The following FAM13B variants were observed in gnomAD, a reference collection of about 807,000 sequenced individuals.
FAM13B encodes the protein family with sequence similarity 13 member B, also known as protein FAM13B.
Under a neutral mutation model 117.3 loss-of-function variants are expected in FAM13B, and 60 were observed. The ratio of observed to expected loss-of-function variants is 0.51; its 90% confidence interval spans 0.42 to 0.63. The LOEUF (loss-of-function observed/expected upper bound fraction) is 0.63, where lower values mean the gene tolerates loss of function less well. FAM13B is among the 30% of genes least tolerant of loss of function. FAM13B has a pLI of 0.00. For missense variants in FAM13B, 972 were observed against 1,091.9 expected, an observed-to-expected ratio of 0.89 and a Z score of 1.55; for synonymous variants, 332 against 356.1, an observed-to-expected ratio of 0.93 and a Z score of 0.76.
intron 1 of FAM13B, among the ~76,000 whole-genome samples, chr5:138,031,691 A>G (rs1790074776): frequency 1.3e-5 from 2 of 152,128 alleles, no homozygotes; most frequent in African/African-American, 2.4e-5. Context: ...TCAAGGAAAA[A>G]AAAAAAAAAG....
intron 12 of FAM13B, 43 bp downstream of exon 12, chr5:137,960,123 C>A (rs1767743506): frequency 1.7e-6 from 2 of 1,211,664 alleles, no homozygotes; most frequent in Non-Finnish European, 2.4e-6. Flanking sequence ...CAGTTTAAAC[C>A]TAGGCAAGTT....
Position 137,942,896 on chromosome 5 carries a change from G to A in FAM13B, c.2567C>T (p.Ser856Leu). Residue 856 changes from serine (S) to leucine (L), a missense_variant, in exon 22 of 24, where the codon TCA becomes TTA. By Grantham distance (145) the Ser-to-Leu change is moderately radical. Transcript: ENST00000689681. ...ATACATAGAAGCTGCTCGAGAACTTGACAATCGGAGATCCAGAGCCAGTTT... is the reference window on the plus strand; with the variant it reads ...ATACATAGAAGCTGCTCGAGAACTTAACAATCGGAGATCCAGAGCCAGTTT... ...QEKLALDLRL[S>L]SSRAASMPEL... The A allele has an allele frequency of 6.2e-7, 1 of 1,610,050 alleles. No homozygotes were observed. Among genetic ancestry groups the A allele is most frequent in the South Asian group, 1.1e-5 (1 of 89,848 alleles).
chr5:138,037,954 C>G (rs1791312957), upstream of FAM13B, among the ~76,000 whole-genome samples: 1 of 152,172 alleles, frequency 6.6e-6, no homozygotes, highest in African/African-American at 2.4e-5. Context: ...ACCTTAGATT[C>G]CCCATTAGTC....
intron 1 of FAM13B, among the ~76,000 whole-genome samples, chr5:138,026,405 C>T (rs958233853): frequency 8.5e-5 from 13 of 152,134 alleles, no homozygotes; most frequent in Middle Eastern, 3.4e-3. Context: ...GTGGGCAGAT[C>T]ACTCGAGCTC....
intron 1 of FAM13B, among the ~76,000 whole-genome samples, chr5:138,023,714 G>T (rs371096659): frequency 3.3e-5 from 5 of 152,014 alleles, no homozygotes. Context: ...GACTACAGGC[G>T]TGGGCCACCA....
chr5:138,008,977 T>C (rs902576315), intron 6 of FAM13B, among the ~76,000 whole-genome samples: 4 of 152,056 alleles, frequency 2.6e-5, no homozygotes, highest in Admixed American at 6.5e-5. Flanking sequence ...ATCCAACCTA[T>C]ACTAAAAATA....
chr5:137,985,917 G>T (rs1777083739), intron 9 of FAM13B, among the ~76,000 whole-genome samples: 1 of 152,166 alleles, frequency 6.6e-6, no homozygotes, highest in Non-Finnish European at 1.5e-5. Context: ...CCTGAGCAAT[G>T]GGTATAGGTT....
At chr5:137,995,255 A>C (rs951883028) in intron 7 of FAM13B, among the ~76,000 whole-genome samples, 1 of 152,188 alleles carries the variant, frequency 6.6e-6, no homozygotes, top group African/African-American at 2.4e-5. Context: ...AGAGTCTACA[A>C]TTTTTTTCCT....
At chr5:138,045,320 G>A (rs1296762954) in intron 1 of FAM13B, among the ~76,000 whole-genome samples, 2 of 151,030 alleles carry the variant, frequency 1.3e-5, no homozygotes, top group Admixed American at 1.3e-4. Context: ...GATCACTTGA[G>A]CTCAGGAGTT....
intron 4 of FAM13B, among the ~76,000 whole-genome samples, chr5:138,017,094 A>G: frequency 6.6e-6 from 1 of 152,220 alleles, no homozygotes; most frequent in African/African-American, 2.4e-5. Flanking sequence ...TACTAATAAC[A>G]TTTCGTTTTA....
chr5:138,033,111 C>T (rs1258974809), upstream of FAM13B: 5 of 214,082 alleles, frequency 2.3e-5, no homozygotes, highest in African/African-American at 5.9e-5. Flanking sequence ...ACGTGACGTG[C>T]GTGGGAGGGG....
intron 10 of FAM13B, among the ~76,000 whole-genome samples, chr5:137,962,983 C>A (rs542057342): frequency 6.6e-6 from 1 of 152,140 alleles, no homozygotes; most frequent in Non-Finnish European, 1.5e-5. Flanking sequence ...TATTCCCCCC[C>A]AAACTAAAAA....
chr5:137,994,128 A>ATG (rs925605168), intron 7 of FAM13B, among the ~76,000 whole-genome samples: 6 of 152,244 alleles, frequency 3.9e-5, no homozygotes, highest in Admixed American at 3.3e-4. Flanking sequence ...AAGTATATAT[A>ATG]AAAGTAGTGA....
intron 9 of FAM13B, among the ~76,000 whole-genome samples, chr5:137,986,074 T>C: frequency 6.9e-6 from 1 of 145,126 alleles, no homozygotes; most frequent in East Asian, 1.9e-4. Flanking sequence ...GTTGTATACA[T>C]GCTTTTTTTT....
At chr5:138,020,797 T>C (rs1056656030) in intron 2 of FAM13B, 8 of 222,876 alleles carry the variant, frequency 3.6e-5, no homozygotes, top group Admixed American at 2.9e-4. Context: ...ATCAAGAATG[T>C]CACAACATGA....
At chr5:138,011,672 C>A in intron 5 of FAM13B, 96 bp downstream of exon 5, 1 of 790,822 alleles carries the variant, frequency 1.3e-6, no homozygotes, top group Non-Finnish European at 2.0e-6. Context: ...CCCGCATCAG[C>A]CTCCCAAAGT....
Position 137,962,457 on chromosome 5 carries a change from A to G in FAM13B, c.1192T>C (p.Leu398=), listed in dbSNP as rs1415088757. 1 of 1,613,518 alleles carries G rather than the reference A, an allele frequency of 6.2e-7. No individual in the cohort carries two copies. Among genetic ancestry groups the G allele is most frequent in the African/African-American group, 1.3e-5 (1 of 74,914 alleles). The change falls in exon 11 of 24, where the codon TTG becomes CTG. Residue 398 remains leucine (L), a synonymous_variant. Transcript: ENST00000689681. ...CCACGGTCACTGCATGGCTCTAACA[A>G]TATACCTACAGACTGACAAAAAGAA... The part of the protein sequence containing the change: ...NEENTQSVGI[L]LEPCSDRGDS...
chr5:138,024,776 T>C (rs1787761383), intron 1 of FAM13B, among the ~76,000 whole-genome samples: 2 of 150,332 alleles, frequency 1.3e-5, no homozygotes, highest in African/African-American at 4.9e-5. Flanking sequence ...CTGTTATAAA[T>C]CTAAACAGCA....
chr5:137,943,321 C>T (rs1051764842), intron 20 of FAM13B, 105 bp from the exon 21 acceptor site: 16 of 875,140 alleles, frequency 1.8e-5, no homozygotes, highest in Non-Finnish European at 2.6e-5. Flanking sequence ...TTTTCAAAAT[C>T]TTAAACATTT....
Sources: allele counts gnomAD v4.1 joint callset (sites outside exome capture counted in the v4.1 genomes callset), GRCh38; gene constraint gnomAD v4.1.1; transcripts MANE v1.5; gene names NCBI Gene and HGNC (gene_info 2026-07-23, HGNC 2026-07-21).